CLIC5: variants seen among roughly 807,000 people sequenced by gnomAD.
CLIC5 encodes chloride intracellular channel protein 5.
Under a neutral mutation model 24.7 loss-of-function variants are expected in CLIC5, and 20 were observed. The ratio of observed to expected loss-of-function variants is 0.81; its 90% CI spans 0.57 to 1.18. The LOEUF is 1.18. Among genes scored for constraint, CLIC5 ranks in the 50% most tolerant of loss-of-function variants. The probability of loss-of-function intolerance (pLI) is 0.00; values close to 1 mark genes in which losing one functional copy is unlikely to be tolerated. For missense variants in CLIC5, 341 were observed against 326.1 expected (o/e 1.05, Z -0.35); for synonymous variants, 159 against 135.6 (o/e 1.17, Z -1.20).
chr6:45,981,070 A>G (rs1394618392), intron 1 of CLIC5, among the ~76,000 whole-genome samples: 1 of 152,170 alleles, frequency 6.6e-6, no homozygotes. Flanking sequence ...TCCAGGGCTC[A>G]AGCGATCTTC....
At chr6:45,976,620 A>T (rs1765393615) in intron 1 of CLIC5, among the ~76,000 whole-genome samples, 1 of 152,250 alleles carries the variant, frequency 6.6e-6, no homozygotes. Context: ...ATGCACAGAC[A>T]GACTTTATTC....
intron 4 of CLIC5, among the ~76,000 whole-genome samples, chr6:45,936,833 C>A (rs755043750): frequency 2.0e-5 from 3 of 152,156 alleles, no homozygotes; most frequent in Non-Finnish European, 2.9e-5. Flanking sequence ...AACGAAGCAA[C>A]TTCCCCAAGT....
intron 1 of CLIC5, among the ~76,000 whole-genome samples, chr6:46,033,582 C>T (rs1370342099): frequency 6.6e-6 from 1 of 152,158 alleles, no homozygotes; most frequent in Non-Finnish European, 1.5e-5. Context: ...AGCCTTGCCA[C>T]CTAATGGGCC....
intron 1 of CLIC5, among the ~76,000 whole-genome samples, chr6:46,006,123 A>AATATATATATAT: frequency 5.8e-5 from 1 of 17,360 alleles, no homozygotes. Context: ...CACATGTATA[A>AATATATATATAT]ATACATATAT....
At chr6:46,073,591 C>G (rs1405241396) in intron 1 of CLIC5, among the ~76,000 whole-genome samples, 1 of 152,204 alleles carries the variant, frequency 6.6e-6, no homozygotes, top group Non-Finnish European at 1.5e-5. Context: ...TGCTTGCTGT[C>G]CTAAACATTG....
intron 4 of CLIC5, among the ~76,000 whole-genome samples, chr6:45,938,435 C>T (rs34943199): frequency 0.091 from 13,775 of 152,158 alleles, 1,193 homozygotes; most frequent in African/African-American, 0.22. Context: ...GGGGTGTGGG[C>T]AAGTTATAGT....
intron 1 of CLIC5, among the ~76,000 whole-genome samples, chr6:46,039,057 A>G (rs966816000): frequency 2.0e-5 from 3 of 152,322 alleles, no homozygotes; most frequent in Middle Eastern, 3.4e-3. Flanking sequence ...ATAAAAGAAT[A>G]CTATTTATAA....
chr6:46,015,748 C>G lies in CLIC5; in HGVS notation c.-206G>C. 8.1e-7 allele frequency: 1 copy of G among 1,235,552 alleles called. No homozygotes were observed. Among genetic ancestry groups the G allele is most frequent in the Non-Finnish European group, 1.0e-6 (1 of 989,376 alleles). The allele number at this position is 1,235,552 out of a possible 1,614,324, so 76.5% of individuals were successfully genotyped here. On this transcript the variant is annotated 5_prime_UTR_variant, in exon 1 of 6. Transcript: ENST00000339561. Reference sequence around the variant, plus strand: ...GATGCTCACATGAAAAGGAGCGAAGCCGGGAGGAGGCGGGGGGCCACGGGG... The same window carrying G: ...GATGCTCACATGAAAAGGAGCGAAGGCGGGAGGAGGCGGGGGGCCACGGGG...
At chr6:46,015,141 C>T (rs544586537) in intron 1 of CLIC5, among the ~76,000 whole-genome samples, 1 of 152,330 alleles carries the variant, frequency 6.6e-6, no homozygotes, top group African/African-American at 2.4e-5. Flanking sequence ...AGGTTTCTGC[C>T]GCATCCCGAC....
Position 46,072,290 on chromosome 6 carries a change from AG to A in CLIC5, c.540+7412del, listed in dbSNP as rs1165538098. On this transcript the variant is annotated intron_variant, in intron 1 of 5. Coordinates refer to the CLIC5 transcript ENST00000185206. The stretch of plus-strand genomic sequence containing the variant: ...ATCATTCCTGTGGCTAGGTGGGGGG[AG>A]GGGGGATCCTAGGGAGATGGATGAC... Among the ~76,000 whole-genome samples, 3 of 148,130 alleles carry A rather than the reference AG, an allele frequency of 2.0e-5. No homozygotes were observed. In the East Asian group the frequency reaches 6.0e-4, roughly 30 times the overall value.
At chr6:46,066,796 C>G (rs1404122200) in intron 1 of CLIC5, among the ~76,000 whole-genome samples, 1 of 152,124 alleles carries the variant, frequency 6.6e-6, no homozygotes, top group Admixed American at 6.5e-5. Context: ...GGTTCAGAAA[C>G]TGCTTCCCAG....
intron 1 of CLIC5, among the ~76,000 whole-genome samples, chr6:46,059,448 G>A (rs1034872147): frequency 2.0e-5 from 3 of 152,236 alleles, no homozygotes; most frequent in African/African-American, 7.2e-5. Context: ...AGTTTGGACT[G>A]CAGGAAGTTT....
chr6:45,974,727 G>A (rs1481350260), intron 1 of CLIC5, among the ~76,000 whole-genome samples: 2 of 151,746 alleles, frequency 1.3e-5, no homozygotes, highest in African/African-American at 4.8e-5. Context: ...AAACCCTTGG[G>A]AACAGATGTG....
chr6:46,075,862 C>T (rs185819319), intron 1 of CLIC5, among the ~76,000 whole-genome samples: 256 of 152,268 alleles, frequency 1.7e-3, no homozygotes, highest in African/African-American at 6.0e-3. Context: ...AGAAGGGGTC[C>T]ATAGCTCACT....
chr6:46,016,468 G>C (rs1301538627), upstream of CLIC5, among the ~76,000 whole-genome samples: 1 of 152,128 alleles, frequency 6.6e-6, no homozygotes, highest in Non-Finnish European at 1.5e-5. Context: ...GAGTCAACCC[G>C]GTCAGGTGCG....
downstream of CLIC5, among the ~76,000 whole-genome samples, chr6:45,895,746 A>G (rs1411727025): frequency 6.6e-6 from 1 of 152,244 alleles, no homozygotes; most frequent in Non-Finnish European, 1.5e-5. Flanking sequence ...AATTGGGGAC[A>G]GGGTGGTAAC....
intron 1 of CLIC5, among the ~76,000 whole-genome samples, chr6:46,004,298 C>T (rs80074006): frequency 0.023 from 3,459 of 152,290 alleles, 52 homozygotes; most frequent in Non-Finnish European, 0.036. Flanking sequence ...AACCTGCTTC[C>T]TCTCTGTCCT....
At position 45,996,690 on chromosome 6, in the gene CLIC5, G is replaced by A. The variant is rs528279579; in HGVS notation, c.63+18790C>T. Among the ~76,000 whole-genome samples the A allele has an allele frequency of 8.9e-3, 1,352 of 152,154 alleles. 21 individuals carry two copies. Among genetic ancestry groups the A allele is most frequent in the African/African-American group, 0.028 (1,165 of 41,484 alleles). On this transcript the variant is annotated intron_variant, in intron 1 of 5. Coordinates refer to ENST00000339561, the MANE Select transcript of CLIC5 (RefSeq NM_016929.5). ...CAAACAACCCCATCAAAAAGTGGGCGAAGGATATGAACAGACACTTCTCAA... is the reference window on the plus strand; with the variant it reads ...CAAACAACCCCATCAAAAAGTGGGCAAAGGATATGAACAGACACTTCTCAA...
At chr6:46,033,620 C>T (rs4479928) in intron 1 of CLIC5, among the ~76,000 whole-genome samples, 75,035 of 152,046 alleles carry the variant, frequency 0.49, 19,174 homozygotes, top group Non-Finnish European at 0.56. Flanking sequence ...GCCAGCCCTT[C>T]CTCATTCTGA....
Sources: gnomAD v4.1 joint callset for allele counts (sites outside exome capture counted in the v4.1 genomes callset) on GRCh38, gnomAD v4.1.1 for gene constraint, MANE v1.5 for transcripts, NCBI Gene and HGNC (gene_info 2026-07-23, HGNC 2026-07-21) for gene names.